The following RHBDD1 variants were observed in gnomAD, a reference collection of about 807,000 sequenced individuals.
RHBDD1 encodes rhomboid-related protein 4.
Under a neutral mutation model 36.3 loss-of-function variants are expected in RHBDD1, and 38 were observed. The observed-to-expected ratio is 1.05, with a 90% CI of 0.81 to 1.37. The LOEUF (loss-of-function observed/expected upper bound fraction) is 1.37, where lower values mean the gene tolerates loss of function less well. Among genes scored for constraint, RHBDD1 ranks in the 40% most tolerant of loss-of-function variants. The pLI is 0.00. For synonymous variants in RHBDD1, 151 were observed against 136.5 expected (o/e 1.11, Z -0.74); for missense variants, 393 against 377.6 (o/e 1.04, Z -0.34).
intron 8 of RHBDD1, among the ~76,000 whole-genome samples, chr2:226,982,801 C>G (rs1956075222): frequency 6.6e-6 from 1 of 152,152 alleles, no homozygotes; most frequent in South Asian, 2.1e-4. Context: ...CACTATGTAC[C>G]AGGCACCAGG....
intron 6 of RHBDD1, 156 bp downstream of exon 6, chr2:226,907,037 C>T (rs1352363400): frequency 1.4e-6 from 1 of 738,970 alleles, no homozygotes; most frequent in South Asian, 1.6e-5. Flanking sequence ...ACAACCAGTG[C>T]AGTTCCTTAC....
At chr2:226,901,905 A>T (rs1468707099) in intron 5 of RHBDD1, among the ~76,000 whole-genome samples, 1 of 152,178 alleles carries the variant, frequency 6.6e-6, no homozygotes, top group East Asian at 1.9e-4. Flanking sequence ...CATGTATTTT[A>T]TGTGTAATTG....
At chr2:226,957,561 G>A (rs1384475389) in intron 8 of RHBDD1, among the ~76,000 whole-genome samples, 3 of 112,724 alleles carry the variant, frequency 2.7e-5, no homozygotes, top group South Asian at 3.2e-4. Context: ...ACTCTCTACC[G>A]CCCCCACCCA....
chr2:226,819,228 A>G, the RHBDD1 span, among the ~76,000 whole-genome samples: 8 of 152,238 alleles, frequency 5.3e-5, no homozygotes, highest in Non-Finnish European at 1.2e-4. Context: ...TGGGATCCAC[A>G]TACTATGCTC....
chr2:226,973,941 G>A (rs1284872404), intron 8 of RHBDD1, among the ~76,000 whole-genome samples: 1 of 152,166 alleles, frequency 6.6e-6, no homozygotes, highest in Admixed American at 6.5e-5. Flanking sequence ...TGGGCTCTTT[G>A]ATAGCAGAGT....
intron 8 of RHBDD1, among the ~76,000 whole-genome samples, chr2:226,944,860 G>A (rs1001255781): frequency 1.3e-5 from 2 of 152,054 alleles, no homozygotes; most frequent in Admixed American, 1.3e-4. Flanking sequence ...GTCTATTGAT[G>A]GATTTTTGTT....
At chr2:226,854,243 T>C (rs1176318186) in intron 3 of RHBDD1, among the ~76,000 whole-genome samples, 1 of 152,176 alleles carries the variant, frequency 6.6e-6, no homozygotes, top group Non-Finnish European at 1.5e-5. Context: ...GTGGTCCTTA[T>C]TATTATTTAG....
chr2:226,963,305 A>T (rs1294844626), intron 8 of RHBDD1, among the ~76,000 whole-genome samples: 1 of 152,208 alleles, frequency 6.6e-6, no homozygotes, highest in African/African-American at 2.4e-5. Context: ...CAGATTTGGA[A>T]TGATATTCCT....
At position 226,909,455 on chromosome 2, in the gene RHBDD1, C is replaced by T. The variant is rs989199313; in HGVS notation, c.712+577C>T. Among the ~76,000 whole-genome samples, 3 of 152,144 alleles carry T rather than the reference C, an allele frequency of 2.0e-5. No homozygotes were observed. The East Asian group carries it at 5.8e-4, about 29-fold the overall frequency. ...GTGGCTACACGGTAGTATTTTAGATCAGGCCCAGCAGCCAGGTGTTAGCCA... is the reference window on the plus strand; with the variant it reads ...GTGGCTACACGGTAGTATTTTAGATTAGGCCCAGCAGCCAGGTGTTAGCCA... On this transcript the variant is annotated intron_variant, in intron 7 of 8. Coordinates refer to ENST00000392062, the MANE Select transcript of RHBDD1 (RefSeq NM_001167608.3).
In RHBDD1 at chr2:226,998,593, T is replaced by C. The variant is rs1387798204; in HGVS notation, c.*3071T>C. 6.6e-6 allele frequency: 1 copy of C among 152,146 alleles called. No individual in the cohort carries two copies. Among genetic ancestry groups the C allele is most frequent in the African/African-American group, 2.4e-5 (1 of 41,418 alleles). 9.4% of individuals were successfully genotyped at this position (152,146 alleles called of 1,614,324 possible). A position where few individuals can be genotyped will look rare whatever the true frequency, so the allele number is the denominator to read the frequency against. On this transcript the variant is annotated 3_prime_UTR_variant, in exon 9 of 9. Transcript: ENST00000392062. ...CTAAGTTTCTTCTCTTTTTTTTTCA[T>C]GGCTGCTAGTATTTTATTTTAGAAT...
intron 8 of RHBDD1, among the ~76,000 whole-genome samples, chr2:226,922,685 C>G (rs2125782437): frequency 6.6e-6 from 1 of 152,144 alleles, no homozygotes; most frequent in South Asian, 2.1e-4. Flanking sequence ...TTGTGGTCTT[C>G]CCTTTCCTCT....
intron 3 of RHBDD1, among the ~76,000 whole-genome samples, chr2:226,842,675 T>G (rs1483420556): frequency 1.3e-5 from 2 of 152,212 alleles, no homozygotes; most frequent in African/African-American, 4.8e-5. Flanking sequence ...ACCATGCTGT[T>G]TTCGTTACTG....
At chr2:226,815,399 C>A in the RHBDD1 span, among the ~76,000 whole-genome samples, 1 of 152,096 alleles carries the variant, frequency 6.6e-6, no homozygotes, top group Non-Finnish European at 1.5e-5. Flanking sequence ...TTCTGGAATC[C>A]TACTTTTTAT....
intron 5 of RHBDD1, among the ~76,000 whole-genome samples, chr2:226,886,328 G>A (rs1223829580): frequency 6.6e-6 from 1 of 152,166 alleles, no homozygotes; most frequent in African/African-American, 2.4e-5. Flanking sequence ...AAGATAAATA[G>A]CAAAATGTAA....
the RHBDD1 span, among the ~76,000 whole-genome samples, chr2:226,802,552 G>A: frequency 6.6e-6 from 1 of 152,214 alleles, no homozygotes; most frequent in African/African-American, 2.4e-5. Flanking sequence ...GTAATGCTGA[G>A]CAGGTATGGG....
chr2:226,913,529 T>C (rs546951709), intron 7 of RHBDD1, among the ~76,000 whole-genome samples: 139 of 152,214 alleles, frequency 9.1e-4, no homozygotes, highest in Non-Finnish European at 1.8e-3. Flanking sequence ...TTCCCTGTTA[T>C]TGACCTTTAT....
intron 3 of RHBDD1, among the ~76,000 whole-genome samples, chr2:226,849,639 C>A (rs1179079880): frequency 6.6e-6 from 1 of 152,256 alleles, no homozygotes; most frequent in African/African-American, 2.4e-5. Flanking sequence ...CCTTCTATGA[C>A]AACACAGCAA....
At chr2:226,817,031 A>G in the RHBDD1 span, among the ~76,000 whole-genome samples, 1 of 152,222 alleles carries the variant, frequency 6.6e-6, no homozygotes, top group Non-Finnish European at 1.5e-5. Context: ...ATAGTTCTTG[A>G]ACACACCAGT....
At chr2:226,880,277 G>A (rs2125384270) in intron 5 of RHBDD1, among the ~76,000 whole-genome samples, 1 of 152,252 alleles carries the variant, frequency 6.6e-6, no homozygotes, top group Non-Finnish European at 1.5e-5. Context: ...AAGCAGATTG[G>A]TGAAGTAGGG....
Sources: allele counts gnomAD v4.1 joint callset (sites outside exome capture counted in the v4.1 genomes callset), GRCh38; gene constraint gnomAD v4.1.1; transcripts MANE v1.5; gene names NCBI Gene and HGNC (gene_info 2026-07-23, HGNC 2026-07-21).